Variants in LRMDA observed in about 807,000 individuals in gnomAD.
LRMDA encodes the protein leucine-rich melanocyte differentiation-associated protein.
Under a neutral mutation model 29.8 loss-of-function variants are expected in LRMDA, and 18 were observed. That is an observed-to-expected ratio of 0.60 (90% confidence interval 0.42 to 0.90). LRMDA has a LOEUF of 0.90. Among genes scored for constraint, LRMDA ranks in the 40% least tolerant of loss-of-function variants. LRMDA has a pLI of 0.00. For missense variants in LRMDA, 273 were observed against 273.9 expected (o/e 1.00, Z 0.02); for synonymous variants, 125 against 109.4 (o/e 1.14, Z -0.89).
chr10:76,523,921 GT>G (rs1168577767), intron 6 of LRMDA, among the ~76,000 whole-genome samples: 3 of 152,202 alleles, frequency 2.0e-5, no homozygotes, highest in Non-Finnish European at 4.4e-5. Context: ...CCTGTGCCGA[GT>G]GAAAAATGGC....
At chr10:75,593,162 T>A (rs1840744859) in intron 2 of LRMDA, among the ~76,000 whole-genome samples, 1 of 152,126 alleles carries the variant, frequency 6.6e-6, no homozygotes. Flanking sequence ...ATCCCAACGT[T>A]GGATAATTTA....
intron 5 of LRMDA, among the ~76,000 whole-genome samples, chr10:76,152,013 C>CA (rs1361595446): frequency 6.6e-6 from 1 of 152,124 alleles, no homozygotes; most frequent in Non-Finnish European, 1.5e-5. Context: ...TTCTTAGAAC[C>CA]ACATAATAAA....
At chr10:76,007,516 G>T (rs938341126) in intron 2 of LRMDA, among the ~76,000 whole-genome samples, 1 of 152,180 alleles carries the variant, frequency 6.6e-6, no homozygotes, top group Non-Finnish European at 1.5e-5. Flanking sequence ...TGGATAAATT[G>T]TTGGAAGATT....
intron 5 of LRMDA, among the ~76,000 whole-genome samples, chr10:76,120,719 G>A (rs1404899200): frequency 6.6e-6 from 1 of 152,068 alleles, no homozygotes; most frequent in Non-Finnish European, 1.5e-5. Context: ...TTTTGAGCTT[G>A]TACATACCAA....
At chr10:76,412,744 C>A (rs979200130) in intron 6 of LRMDA, among the ~76,000 whole-genome samples, 11 of 152,118 alleles carry the variant, frequency 7.2e-5, no homozygotes, top group African/African-American at 2.7e-4. Context: ...GCCCCTATGC[C>A]CACAAACATC....
intron 2 of LRMDA, among the ~76,000 whole-genome samples, chr10:75,844,094 G>A: frequency 1.3e-5 from 2 of 152,148 alleles, no homozygotes. Context: ...GGGCCTGATG[G>A]TGCTGAGATA....
intron 5 of LRMDA, among the ~76,000 whole-genome samples, chr10:76,269,766 A>G (rs897084203): frequency 6.6e-5 from 10 of 152,240 alleles, no homozygotes; most frequent in African/African-American, 1.9e-4. Flanking sequence ...TAAAATTCCA[A>G]CAGCCCCATG....
At chr10:76,010,962 A>G (rs1039025490) in intron 2 of LRMDA, among the ~76,000 whole-genome samples, 17 of 152,376 alleles carry the variant, frequency 1.1e-4, no homozygotes, top group South Asian at 1.0e-3. Context: ...AAAACAGACT[A>G]GCCCTGAAAA....
chr10:75,474,642 A>T (rs1844766969), intron 2 of LRMDA, among the ~76,000 whole-genome samples: 1 of 152,208 alleles, frequency 6.6e-6, no homozygotes, highest in South Asian at 2.1e-4. Flanking sequence ...CTGTCAGGTG[A>T]CTTTGGTACA....
chr10:76,230,883 G>T (rs1034123856), intron 5 of LRMDA, among the ~76,000 whole-genome samples: 2 of 152,106 alleles, frequency 1.3e-5, no homozygotes, highest in Non-Finnish European at 2.9e-5. Context: ...TGTGATTCTG[G>T]TAATAATTAT....
chr10:75,686,307 T>C (rs7082404), intron 2 of LRMDA, among the ~76,000 whole-genome samples: 5,827 of 152,276 alleles, frequency 0.038, 282 homozygotes, highest in African/African-American at 0.11. Flanking sequence ...GTCTTCTTCC[T>C]GCATTCTTTG....
chr10:75,822,317 A>G (rs989251959), intron 2 of LRMDA, among the ~76,000 whole-genome samples: 8 of 152,186 alleles, frequency 5.3e-5, no homozygotes, highest in African/African-American at 1.9e-4. Context: ...ATCATAGATG[A>G]CACAAACAAA....
intron 6 of LRMDA, among the ~76,000 whole-genome samples, chr10:76,365,107 T>TATATACACAC (rs141131236): frequency 0.024 from 1,475 of 61,244 alleles, 65 homozygotes; most frequent in East Asian, 0.043. Context: ...TATATATATA[T>TATATACACAC]ACACACACAC....
At chr10:75,875,884 T>C (rs1174295706) in intron 2 of LRMDA, among the ~76,000 whole-genome samples, 1 of 151,046 alleles carries the variant, frequency 6.6e-6, no homozygotes, top group Non-Finnish European at 1.5e-5. Flanking sequence ...ACCCTGGTGG[T>C]AAAACATGAG....
intron 6 of LRMDA, among the ~76,000 whole-genome samples, chr10:76,486,883 G>T (rs1446444956): frequency 6.6e-6 from 1 of 151,890 alleles, no homozygotes; most frequent in Non-Finnish European, 1.5e-5. Context: ...GAAGGGAAAA[G>T]AAGAGAAGGG....
chr10:76,545,065 C>T (rs971201954), intron 6 of LRMDA, among the ~76,000 whole-genome samples: 12 of 151,914 alleles, frequency 7.9e-5, no homozygotes, highest in African/African-American at 2.9e-4. Context: ...CCAATGGGCC[C>T]AAGTAAGGAA....
intron 2 of LRMDA, among the ~76,000 whole-genome samples, chr10:75,806,942 AG>A (rs1564573093): frequency 3.3e-5 from 5 of 152,162 alleles, no homozygotes; most frequent in Admixed American, 2.6e-4. Context: ...CCAATTCAGA[AG>A]GTACTTCCCG....
At chr10:75,955,633 C>T (rs1244942406) in intron 2 of LRMDA, among the ~76,000 whole-genome samples, 1 of 152,216 alleles carries the variant, frequency 6.6e-6, no homozygotes, top group Non-Finnish European at 1.5e-5. Flanking sequence ...ATTAATGTAA[C>T]AAAAGAGCTA....
chr10:75,744,124 C>T (rs79886345), intron 2 of LRMDA, among the ~76,000 whole-genome samples: 3,758 of 152,286 alleles, frequency 0.025, 149 homozygotes, highest in African/African-American at 0.082. Flanking sequence ...AAAATACATA[C>T]CCTGGACACA....
Sources: allele counts gnomAD v4.1 joint callset (sites outside exome capture counted in the v4.1 genomes callset), GRCh38; gene constraint gnomAD v4.1.1; transcripts MANE v1.5; gene names NCBI Gene and HGNC (gene_info 2026-07-23, HGNC 2026-07-21).